ZNG1A: variants seen among roughly 807,000 people sequenced by gnomAD.
ZNG1A encodes the protein Zn regulated GTPase metalloprotein activator 1A.
chr9:144,569 G>A, the ZNG1A span, among the ~76,000 whole-genome samples: 991 of 152,080 alleles, frequency 6.5e-3, 3 homozygotes, highest in Non-Finnish European at 9.9e-3. Flanking sequence ...AGACTTAAAC[G>A]TTTGACCTAA....
At chr9:164,774 G>C in the ZNG1A span, among the ~76,000 whole-genome samples, 3 of 151,166 alleles carry the variant, frequency 2.0e-5, no homozygotes, top group East Asian at 1.9e-4. Flanking sequence ...GTTAGTGACA[G>C]GGCTGTCTAA....
the ZNG1A span, chr9:153,673 T>C: frequency 6.6e-6 from 1 of 151,820 alleles, no homozygotes; most frequent in Non-Finnish European, 1.5e-5. Flanking sequence ...AGGACATTAC[T>C]ATTAAAATAA....
chr9:139,653 G>A, the ZNG1A span, among the ~76,000 whole-genome samples: 2 of 152,054 alleles, frequency 1.3e-5, no homozygotes, highest in Non-Finnish European at 2.9e-5. Context: ...ACAGAGGAGA[G>A]AGGAGCCAAG....
chr9:141,860 A>C, the ZNG1A span, among the ~76,000 whole-genome samples: 3 of 152,292 alleles, frequency 2.0e-5, no homozygotes, highest in African/African-American at 7.2e-5. Flanking sequence ...TACCAAGCAA[A>C]TGGAAAACAA....
At chr9:177,171 C>T in the ZNG1A span, among the ~76,000 whole-genome samples, 1 of 152,140 alleles carries the variant, frequency 6.6e-6, no homozygotes, top group Non-Finnish European at 1.5e-5. Context: ...TGTGCGGGGC[C>T]AATTTGGCAG....
the ZNG1A span, chr9:148,448 G>C: frequency 4.8e-5 from 3 of 62,084 alleles, no homozygotes; most frequent in South Asian, 2.2e-3. Context: ...CCCAAATTTA[G>C]TACCACCATG....
the ZNG1A span, chr9:146,076 A>C: frequency 6.7e-7 from 1 of 1,500,964 alleles, no homozygotes; most frequent in East Asian, 2.3e-5. Context: ...ATAACAATAA[A>C]AGTAACCAAA....
At chr9:138,635 A>G in the ZNG1A span, among the ~76,000 whole-genome samples, 2,901 of 139,974 alleles carry the variant, frequency 0.021, 28 homozygotes, top group Middle Eastern at 0.042. Flanking sequence ...GTGGTGGGCT[A>G]CACATGTAAT....
At chr9:175,592 A>G in the ZNG1A span, 4 of 1,280,426 alleles carry the variant, frequency 3.1e-6, no homozygotes, top group Non-Finnish European at 4.5e-6. Flanking sequence ...ATCCACATCA[A>G]TACAATACCT....
the ZNG1A span, among the ~76,000 whole-genome samples, chr9:152,748 A>G: frequency 6.7e-6 from 1 of 148,316 alleles, no homozygotes; most frequent in African/African-American, 2.5e-5. Context: ...TCCATTGCCT[A>G]TCATCAATCA....
the ZNG1A span, chr9:166,723 A>G: frequency 1.2e-4 from 18 of 152,526 alleles, no homozygotes; most frequent in Middle Eastern, 3.4e-3. Context: ...AGCCTATATA[A>G]CACAATGACT....
chr9:135,789 G>A, the ZNG1A span, among the ~76,000 whole-genome samples: 1 of 115,076 alleles, frequency 8.7e-6, no homozygotes, highest in Non-Finnish European at 1.6e-5. Flanking sequence ...GGAACTATTG[G>A]AGGGAATGAG....
chr9:169,794 G>A, the ZNG1A span, among the ~76,000 whole-genome samples: 28 of 144,942 alleles, frequency 1.9e-4, 1 homozygote, highest in South Asian at 2.3e-3. Context: ...ATTAAGGTAT[G>A]TATGTTTTTT....
chr9:163,911 G>A, the ZNG1A span: 14 of 1,429,556 alleles, frequency 9.8e-6, no homozygotes, highest in African/African-American at 2.2e-4. Context: ...GGGCAACAAA[G>A]TGAGACTCTG....
the ZNG1A span, chr9:154,661 G>A: frequency 5.2e-6 from 7 of 1,348,126 alleles, no homozygotes; most frequent in Admixed American, 1.7e-5. Flanking sequence ...AATATTCTGT[G>A]TATACAACAT....
chr9:141,550 G>A, the ZNG1A span, among the ~76,000 whole-genome samples: 72 of 149,614 alleles, frequency 4.8e-4, no homozygotes, highest in South Asian at 1.3e-3. Context: ...AGCACTAAAC[G>A]TGGAAAGGAA....
chr9:176,823 G>T, the ZNG1A span, among the ~76,000 whole-genome samples: 1 of 150,580 alleles, frequency 6.6e-6, no homozygotes, highest in Admixed American at 6.6e-5. Context: ...ATTTACTAGG[G>T]CTTTTTAACC....
At chr9:146,328 T>C in the ZNG1A span, 1 of 612,456 alleles carries the variant, frequency 1.6e-6, no homozygotes, top group Non-Finnish European at 2.7e-6. Flanking sequence ...TATTTGTTTA[T>C]TACTTCAATG....
At chr9:169,747 G>A in the ZNG1A span, among the ~76,000 whole-genome samples, 1 of 150,418 alleles carries the variant, frequency 6.6e-6, no homozygotes, top group Non-Finnish European at 1.5e-5. Context: ...TGAAAGCTGA[G>A]ATGATTGTTA....
Sources: gnomAD v4.1 joint callset for allele counts (sites outside exome capture counted in the v4.1 genomes callset) on GRCh38, gnomAD v4.1.1 for gene constraint, MANE v1.5 for transcripts, NCBI Gene and HGNC (gene_info 2026-07-23, HGNC 2026-07-21) for gene names.